MYOM2: variants seen among roughly 807,000 people sequenced by gnomAD.
MYOM2 encodes myomesin 2, also known as myomesin-2.
Under a neutral mutation model 187.6 loss-of-function variants are expected in MYOM2, and 254 were observed. The observed-to-expected ratio is 1.35, with a 90% CI of 1.22 to 1.50. MYOM2 has a LOEUF of 1.50. Among genes scored for constraint, MYOM2 ranks in the 40% most tolerant of loss-of-function variants. The pLI, the probability that MYOM2 is intolerant of heterozygous loss-of-function variation, is 0.00. For synonymous variants in MYOM2, 981 were observed against 753.8 expected (o/e 1.30, Z -4.94); for missense variants, 2,796 against 1,924.0 (o/e 1.45, Z -8.48).
intron 14 of MYOM2, among the ~76,000 whole-genome samples, chr8:2,086,508 A>T (rs1213064494): frequency 1.3e-5 from 2 of 150,212 alleles, no homozygotes; most frequent in East Asian, 2.0e-4. Flanking sequence ...CACTGTCGTG[A>T]TCTCTGCGTG....
intron 31 of MYOM2, among the ~76,000 whole-genome samples, chr8:2,125,976 A>T (rs1797621715): frequency 6.6e-6 from 1 of 152,118 alleles, no homozygotes; most frequent in African/African-American, 2.4e-5. Flanking sequence ...AATTGCATTC[A>T]ATCTTTAGAT....
At chr8:2,125,518 T>A (rs965317074) in intron 31 of MYOM2, among the ~76,000 whole-genome samples, 1 of 152,120 alleles carries the variant, frequency 6.6e-6, no homozygotes, top group Non-Finnish European at 1.5e-5. Flanking sequence ...AGGAGTGCGA[T>A]GCCTCCAGCT....
At chr8:2,140,647 G>T in intron 32 of MYOM2, 76 bp from the exon 33 acceptor site, 1 of 1,435,706 alleles carries the variant, frequency 7.0e-7, no homozygotes, top group South Asian at 1.4e-5. Flanking sequence ...TCACAGCAAC[G>T]GGACATTGCC....
At chr8:2,143,587 A>G in intron 36 of MYOM2, 131 bp downstream of exon 36, 1 of 1,107,210 alleles carries the variant, frequency 9.0e-7, no homozygotes, top group Non-Finnish European at 1.4e-6. Flanking sequence ...CAGGGAACCC[A>G]GAGTCCCCCC....
chr8:2,103,139 T>C (rs1192508655), intron 21 of MYOM2, among the ~76,000 whole-genome samples: 1 of 148,382 alleles, frequency 6.7e-6, no homozygotes, highest in Non-Finnish European at 1.5e-5. Flanking sequence ...TGGGTGTGTG[T>C]GTAAATGAAT....
At chr8:2,046,724 CT>C (rs1409463807) in intron 1 of MYOM2, among the ~76,000 whole-genome samples, 1 of 149,364 alleles carries the variant, frequency 6.7e-6, no homozygotes, top group Non-Finnish European at 1.5e-5. Flanking sequence ...GGAAAAGCTG[CT>C]TTCTTTCTCT....
chr8:2,110,779 C>T (rs144083001), intron 25 of MYOM2, among the ~76,000 whole-genome samples: 47 of 152,312 alleles, frequency 3.1e-4, no homozygotes, highest in African/African-American at 1.1e-3. Context: ...CATTGCAGTC[C>T]AGCCTTTGTG....
intron 8 of MYOM2, among the ~76,000 whole-genome samples, chr8:2,071,697 C>G (rs1819226390): frequency 6.6e-6 from 1 of 152,208 alleles, no homozygotes; most frequent in Non-Finnish European, 1.5e-5. Context: ...TCCGCTCCGG[C>G]TGCTGGAACA....
At chr8:2,046,564 G>T (rs1186908376) in intron 1 of MYOM2, among the ~76,000 whole-genome samples, 1 of 152,090 alleles carries the variant, frequency 6.6e-6, no homozygotes, top group Admixed American at 6.6e-5. Flanking sequence ...GTCCAAGCTG[G>T]GGGACTGTTA....
In MYOM2 at chr8:2,124,885, GTCT is replaced by G. The variant is rs755620188; in HGVS notation, c.3694+673_3694+675del. 1.7e-4 allele frequency among the ~76,000 whole-genome samples: 26 copies of G among 152,178 alleles called. No homozygotes were observed. The South Asian group carries it at 2.1e-3, about 12-fold the overall frequency. On this transcript the variant is annotated intron_variant, in intron 31 of 36. Coordinates refer to ENST00000262113, the MANE Select transcript of MYOM2 (RefSeq NM_003970.4). ...TCAAGTATCTGTTGGCCATTTTTCT[GTCT>G]TCTTTTGAGAAATATCTGTTCAGAT...
At chr8:2,087,004 C>T (rs568115021) in intron 14 of MYOM2, among the ~76,000 whole-genome samples, 28 of 152,172 alleles carry the variant, frequency 1.8e-4, no homozygotes, top group African/African-American at 6.7e-4. Flanking sequence ...TCTGCCATCA[C>T]GTATATGTAT....
chr8:2,054,772 A>G (rs1163669040), intron 3 of MYOM2, among the ~76,000 whole-genome samples: 3 of 152,190 alleles, frequency 2.0e-5, no homozygotes, highest in Non-Finnish European at 2.9e-5. Flanking sequence ...GATCCCTGCA[A>G]TTTGGTGGGA....
chr8:2,120,853 A>G (rs1797429515), intron 28 of MYOM2, among the ~76,000 whole-genome samples: 1 of 150,348 alleles, frequency 6.7e-6, no homozygotes, highest in African/African-American at 2.4e-5. Flanking sequence ...TTGATTTGAT[A>G]GGTTCGATAA....
chr8:2,087,412 A>G (rs929935559), intron 14 of MYOM2, among the ~76,000 whole-genome samples: 4 of 152,168 alleles, frequency 2.6e-5, no homozygotes, highest in Non-Finnish European at 4.4e-5. Flanking sequence ...AATGTATGCT[A>G]TCTGGGGGGT....
intron 26 of MYOM2, 48 bp downstream of exon 26, chr8:2,116,152 A>G: frequency 1.2e-6 from 2 of 1,602,690 alleles, no homozygotes; most frequent in African/African-American, 1.3e-5. Flanking sequence ...AATTCAAATG[A>G]AATTCTTTTG....
At chr8:2,086,707 C>T (rs1222504417) in intron 14 of MYOM2, among the ~76,000 whole-genome samples, 1 of 152,234 alleles carries the variant, frequency 6.6e-6, no homozygotes, top group African/African-American at 2.4e-5. Flanking sequence ...AGCAGGGAGT[C>T]GCTTCCCTCT....
chr8:2,059,117 C>G (rs779545305), intron 5 of MYOM2, 36 bp from the exon 6 acceptor site: 6 of 1,582,614 alleles, frequency 3.8e-6, no homozygotes, highest in Non-Finnish European at 5.2e-6. Flanking sequence ...AAATACAACT[C>G]TGCCTTTAAA....
In MYOM2 at chr8:2,129,121, C is replaced by T. The variant is rs1206837296; in HGVS notation, c.3695-6C>T. On this transcript the variant is annotated splice_region_variant and splice_polypyrimidine_tract_variant and intron_variant, in intron 31 of 36. Coordinates refer to ENST00000262113, the MANE Select transcript of MYOM2 (RefSeq NM_003970.4). The stretch of plus-strand genomic sequence containing the variant: ...CCTAGATCTGAGGATGTTTTATTTT[C>T]TGCAGGGAAATCTGCTTCGCCACTG... 6 of 1,595,076 alleles carry T rather than the reference C, an allele frequency of 3.8e-6. No individual in the cohort carries two copies. Among genetic ancestry groups the T allele is most frequent in the Non-Finnish European group, 4.3e-6 (5 of 1,163,938 alleles).
intron 19 of MYOM2, among the ~76,000 whole-genome samples, chr8:2,100,186 T>TTCCCTCCCTCCC (rs1796658182): frequency 4.1e-5 from 6 of 145,280 alleles, no homozygotes; most frequent in African/African-American, 1.5e-4. Flanking sequence ...CCTTCCTTCC[T>TTCCCTCCCTCCC]TCCCTCCCTG....
Sources: gnomAD v4.1 joint callset for allele counts (sites outside exome capture counted in the v4.1 genomes callset) on GRCh38, gnomAD v4.1.1 for gene constraint, MANE v1.5 for transcripts, NCBI Gene and HGNC (gene_info 2026-07-23, HGNC 2026-07-21) for gene names.